Variants in SGCZ observed in about 807,000 individuals in gnomAD.
The protein encoded by SGCZ is zeta-sarcoglycan.
Under a neutral mutation model 41.3 loss-of-function variants are expected in SGCZ, and 40 were observed. The observed-to-expected ratio is 0.97, with a 90% confidence interval of 0.75 to 1.26. The LOEUF is 1.26. SGCZ is among the 50% of genes most tolerant of loss of function. The pLI is 0.00. For missense variants in SGCZ, 552 were observed against 369.8 expected, an observed-to-expected ratio of 1.49 and a Z score of -4.04; for synonymous variants, 206 against 137.5, an observed-to-expected ratio of 1.50 and a Z score of -3.49.
chr8:14,774,857 AT>A (rs1407021329), intron 1 of SGCZ, among the ~76,000 whole-genome samples: 2 of 152,216 alleles, frequency 1.3e-5, no homozygotes, highest in East Asian at 3.9e-4. Context: ...TCGTTAACTA[AT>A]TTACTACCTA....
intron 1 of SGCZ, among the ~76,000 whole-genome samples, chr8:14,807,434 G>C (rs907699195): frequency 2.6e-5 from 4 of 152,042 alleles, no homozygotes; most frequent in South Asian, 2.1e-4. Flanking sequence ...TATACACCAA[G>C]AGCAGACAAA....
At chr8:14,816,379 G>A (rs1222531696) in intron 1 of SGCZ, among the ~76,000 whole-genome samples, 1 of 152,212 alleles carries the variant, frequency 6.6e-6, no homozygotes, top group Non-Finnish European at 1.5e-5. Context: ...AGTGTGTTAT[G>A]AGTGTGTAAT....
At chr8:14,713,383 T>C (rs1188136636) in intron 1 of SGCZ, among the ~76,000 whole-genome samples, 1 of 152,148 alleles carries the variant, frequency 6.6e-6, no homozygotes, top group Non-Finnish European at 1.5e-5. Flanking sequence ...ACCATTATTG[T>C]AATTTAAGGA....
At chr8:14,133,684 A>C (rs1206354505) in intron 5 of SGCZ, among the ~76,000 whole-genome samples, 1 of 152,072 alleles carries the variant, frequency 6.6e-6, no homozygotes, top group East Asian at 1.9e-4. Flanking sequence ...ATCAGTGTTT[A>C]CTTGGTTGCT....
At chr8:14,660,212 C>G (rs557004385) in intron 1 of SGCZ, among the ~76,000 whole-genome samples, 1 of 152,128 alleles carries the variant, frequency 6.6e-6, no homozygotes, top group South Asian at 2.1e-4. Flanking sequence ...TTTTTGAAAG[C>G]CATTTTAGAC....
At chr8:14,457,387 A>G (rs1311276010) in intron 2 of SGCZ, among the ~76,000 whole-genome samples, 2 of 152,184 alleles carry the variant, frequency 1.3e-5, no homozygotes, top group African/African-American at 4.8e-5. Context: ...AGCGGTAGCA[A>G]AAGGTGTCAA....
At chr8:14,389,992 G>T (rs1275173348) in intron 2 of SGCZ, among the ~76,000 whole-genome samples, 1 of 151,772 alleles carries the variant, frequency 6.6e-6, no homozygotes, top group Admixed American at 6.6e-5. Flanking sequence ...GTAAGTAGGG[G>T]TTTACAGTTA....
At chr8:14,550,313 A>T (rs1803763263) in intron 2 of SGCZ, among the ~76,000 whole-genome samples, 1 of 150,488 alleles carries the variant, frequency 6.6e-6, no homozygotes, top group African/African-American at 2.4e-5. Context: ...CATGCATACA[A>T]ATATTTATAT....
intron 4 of SGCZ, among the ~76,000 whole-genome samples, chr8:14,216,570 C>G (rs1030686354): frequency 1.3e-5 from 2 of 152,112 alleles, no homozygotes; most frequent in South Asian, 2.1e-4. Flanking sequence ...TGCTCCATGA[C>G]TTAGCGGGAT....
chr8:14,731,909 C>A (rs750914449), intron 1 of SGCZ, among the ~76,000 whole-genome samples: 15 of 152,122 alleles, frequency 9.9e-5, no homozygotes, highest in Non-Finnish European at 2.1e-4. Flanking sequence ...GACCTATTAT[C>A]ATGTTAATAA....
At chr8:15,208,690 G>C (rs372316997) in intron 1 of SGCZ, among the ~76,000 whole-genome samples, 7 of 151,982 alleles carry the variant, frequency 4.6e-5, no homozygotes, top group Admixed American at 1.3e-4. Context: ...ACTTGCTCAA[G>C]GTCTCACATA....
At chr8:14,677,259 A>G (rs1802605789) in intron 1 of SGCZ, among the ~76,000 whole-genome samples, 1 of 151,972 alleles carries the variant, frequency 6.6e-6, no homozygotes, top group South Asian at 2.1e-4. Context: ...AAAATATAAA[A>G]GATATATATA....
chr8:15,044,720 G>A, intron 1 of SGCZ, among the ~76,000 whole-genome samples: 1 of 152,000 alleles, frequency 6.6e-6, no homozygotes, highest in East Asian at 1.9e-4. Flanking sequence ...TTAATTAGGA[G>A]TTAATGATGA....
intron 2 of SGCZ, among the ~76,000 whole-genome samples, chr8:14,330,815 G>C (rs995768711): frequency 6.6e-6 from 1 of 151,890 alleles, no homozygotes; most frequent in East Asian, 1.9e-4. Context: ...ATGAAATTAA[G>C]AAAATATTTT....
At chr8:14,232,885 C>A (rs151256636) in intron 4 of SGCZ, among the ~76,000 whole-genome samples, 1 of 152,176 alleles carries the variant, frequency 6.6e-6, no homozygotes, top group Admixed American at 6.6e-5. Context: ...TAAGCACACT[C>A]TAAAACTAAA....
intron 2 of SGCZ, among the ~76,000 whole-genome samples, chr8:14,522,839 C>G (rs1466998222): frequency 6.6e-6 from 1 of 151,500 alleles, no homozygotes; most frequent in Non-Finnish European, 1.5e-5. Context: ...GATCTTTTTT[C>G]TAACCTAGTC....
At chr8:14,180,050 A>G (rs567901382) in intron 4 of SGCZ, among the ~76,000 whole-genome samples, 4 of 152,250 alleles carry the variant, frequency 2.6e-5, no homozygotes, top group African/African-American at 7.2e-5. Context: ...AAAATAACCA[A>G]TGAGAATGGT....
chr8:15,156,177 A>C (rs1269932876), intron 1 of SGCZ, among the ~76,000 whole-genome samples: 1 of 152,106 alleles, frequency 6.6e-6, no homozygotes, highest in East Asian at 1.9e-4. Flanking sequence ...GTTTCACTCC[A>C]GTTTTCAAGG....
intron 5 of SGCZ, among the ~76,000 whole-genome samples, chr8:14,143,280 C>A (rs951384345): frequency 1.3e-5 from 2 of 152,170 alleles, no homozygotes; most frequent in Non-Finnish European, 2.9e-5. Context: ...CCAATCACAT[C>A]ATTCCCTTAC....
Sources: gnomAD v4.1 joint callset for allele counts (sites outside exome capture counted in the v4.1 genomes callset) on GRCh38, gnomAD v4.1.1 for gene constraint, MANE v1.5 for transcripts, NCBI Gene and HGNC (gene_info 2026-07-23, HGNC 2026-07-21) for gene names.